Variants in FAM234A observed in about 807,000 individuals in gnomAD.
The protein encoded by FAM234A is family with sequence similarity 234 member A.
FAM234A carries 42 observed loss-of-function variants against 49.1 expected under a neutral mutation model. The observed-to-expected ratio is 0.86, with a 90% CI of 0.67 to 1.11. The LOEUF (loss-of-function observed/expected upper bound fraction) is 1.11. FAM234A is among the 50% of genes least tolerant of loss of function. FAM234A has a pLI of 0.00. For synonymous variants in FAM234A, 369 were observed against 316.2 expected (o/e 1.17, Z -1.77); for missense variants, 815 against 745.2 (o/e 1.09, Z -1.09).
At chr16:246,576 C>T (rs1467001737) in intron 1 of FAM234A, among the ~76,000 whole-genome samples, 4 of 149,514 alleles carry the variant, frequency 2.7e-5, no homozygotes, top group Admixed American at 2.0e-4. Flanking sequence ...CCCGCCACCA[C>T]ACCCGGCTAA....
downstream of FAM234A, among the ~76,000 whole-genome samples, chr16:266,662 G>A (rs955545900): frequency 4.6e-5 from 7 of 152,220 alleles, no homozygotes; most frequent in South Asian, 4.1e-4. Flanking sequence ...CTTCCAAGGC[G>A]TGGTAGGGGG....
At position 239,412 on chromosome 16, in the gene FAM234A, GTC is replaced by G. The variant is rs2050533037; in HGVS notation, c.-140+4556_-140+4557del. On this transcript the variant is annotated intron_variant, in intron 1 of 12. Transcript: ENST00000399932. ...GTGGATCACGAGGTCAGGAGATCGAGTCCATCCTGGCTAACGTGGTGAAACTC... is the reference window on the plus strand; with the variant it reads ...GTGGATCACGAGGTCAGGAGATCGAGCATCCTGGCTAACGTGGTGAAACTC... 2.0e-5 allele frequency among the ~76,000 whole-genome samples: 3 copies of G among 151,238 alleles called. No individual in the cohort carries two copies. In the South Asian group the frequency reaches 6.4e-4, roughly 32 times the overall value.
chr16:242,891 C>T (rs866017528), intron 1 of FAM234A, among the ~76,000 whole-genome samples: 10 of 152,094 alleles, frequency 6.6e-5, no homozygotes, highest in Admixed American at 2.6e-4. Context: ...GGATTACAGG[C>T]GTGAGCTACC....
intron 1 of FAM234A, among the ~76,000 whole-genome samples, chr16:235,675 T>G (rs1834078442): frequency 1.3e-5 from 2 of 152,146 alleles, no homozygotes; most frequent in Non-Finnish European, 2.9e-5. Flanking sequence ...ACTACTTCCC[T>G]TATTGCAATT....
chr16:264,553 G>C lies in FAM234A; in HGVS notation c.1345-61G>C. The C allele has an allele frequency of 3.6e-6, 4 of 1,096,564 alleles. No individual in the cohort carries two copies. In the East Asian group the frequency reaches 7.0e-5, roughly 19 times the overall value. 67.9% of individuals were successfully genotyped at this position (1,096,564 alleles called of 1,614,324 possible). A position where few individuals can be genotyped will look rare whatever the true frequency, so the allele number is the denominator to read the frequency against. The stretch of plus-strand genomic sequence containing the variant: ...AGCTCCAGGCACGGTCACTCTGACA[G>C]CAGTGTCCTGTGGGAGTGCTCAGTG... On this transcript the variant is annotated intron_variant, in intron 11 of 12. Transcript: ENST00000399932.
At chr16:237,447 T>G (rs1366843901) in intron 1 of FAM234A, among the ~76,000 whole-genome samples, 4 of 152,006 alleles carry the variant, frequency 2.6e-5, no homozygotes, top group Non-Finnish European at 4.4e-5. Context: ...TCTTTTCTGT[T>G]TTTTCTAGAG....
intron 11 of FAM234A, 56 bp downstream of exon 11, chr16:264,227 C>CTGGA: frequency 6.6e-7 from 1 of 1,515,812 alleles, no homozygotes; most frequent in Non-Finnish European, 8.8e-7. Context: ...GAGACCCAGG[C>CTGGA]TGGAGCTCCA....
Position 259,475 on chromosome 16 carries a change from T to A in FAM234A, c.269-8T>A. The A allele has an allele frequency of 6.6e-7, 1 of 1,524,472 alleles. No homozygotes were observed. The highest frequency in any genetic ancestry group is 9.1e-7 in the Non-Finnish European group (1 of 1,098,812). 94.4% of individuals were successfully genotyped at this position (1,524,472 alleles called of 1,614,324 possible). A position where few individuals can be genotyped will look rare whatever the true frequency, so the allele number is the denominator to read the frequency against. On this transcript the variant is annotated splice_region_variant and splice_polypyrimidine_tract_variant and intron_variant, in intron 3 of 12. Transcript: ENST00000399932. ...CCGCGGAGTATAGTCTGTGGTTTTC[T>A]CTTTCAGTTATCTATGACTTTCTGG... is the stretch of plus-strand genomic sequence containing the variant.
chr16:262,615 C>T, intron 8 of FAM234A, 62 bp downstream of exon 8: 2 of 1,480,302 alleles, frequency 1.4e-6, no homozygotes, highest in Non-Finnish European at 1.8e-6. Context: ...TGCTCGCCTG[C>T]CTCAGCGTTC....
rs146746669 is a variant in FAM234A at position 259,446 on chromosome 16, TG to T, written c.269-35del. The T allele has an allele frequency of 5.3e-3, 6,435 of 1,209,782 alleles. 235 individuals carry two copies. In the African/African-American group the frequency reaches 0.083, roughly 16 times the overall value. The allele number at this position is 1,209,782 out of a possible 1,614,324, so 74.9% of individuals were successfully genotyped here. On this transcript the variant is annotated intron_variant, in intron 3 of 12. Transcript: ENST00000399932. ...CCTGATCGTTCCTGGAAACCAGGCATGGCCCGCGGAGTATAGTCTGTGGTTT... is the reference window on the plus strand; with the variant it reads ...CCTGATCGTTCCTGGAAACCAGGCATGCCCGCGGAGTATAGTCTGTGGTTT...
At chr16:240,500 GTAT>G (rs1567206967) in intron 1 of FAM234A, among the ~76,000 whole-genome samples, 1 of 147,944 alleles carries the variant, frequency 6.8e-6, no homozygotes, top group Non-Finnish European at 1.5e-5. Context: ...GCATCTGGGT[GTAT>G]TTTTTTTTTT....
At chr16:269,703 A>AC (rs113321592), downstream of FAM234A, 221 of 824,890 alleles carry the variant, frequency 2.7e-4, no homozygotes, top group African/African-American at 3.2e-3. Context: ...TCTCCGGCGG[A>AC]CAGGGTGCTG....
intron 7 of FAM234A, 56 bp from the exon 8 acceptor site, chr16:262,368 G>A (rs1242312508): frequency 1.9e-6 from 3 of 1,557,728 alleles, no homozygotes; most frequent in East Asian, 4.5e-5. Context: ...GCGTGCCCCT[G>A]GTCCGGGTTC....
intron 1 of FAM234A, among the ~76,000 whole-genome samples, chr16:248,763 G>A (rs1228849279): frequency 6.6e-6 from 1 of 151,652 alleles, no homozygotes; most frequent in Non-Finnish European, 1.5e-5. Flanking sequence ...TGGGACTATA[G>A]GTGCCCACCA....
At chr16:244,030 GCC>G (rs2141199380) in intron 1 of FAM234A, among the ~76,000 whole-genome samples, 1 of 151,402 alleles carries the variant, frequency 6.6e-6, no homozygotes, top group East Asian at 2.0e-4. Context: ...GTGCAGTGGT[GCC>G]ATCTCGGCTC....
At position 264,074 on chromosome 16, in the gene FAM234A, T is replaced by C; in HGVS notation, c.1247T>C (p.Leu416Pro). 1 of 1,612,894 alleles carries C rather than the reference T, an allele frequency of 6.2e-7. No homozygotes were observed. Among genetic ancestry groups the C allele is most frequent in the African/African-American group, 1.3e-5 (1 of 75,022 alleles). Residue 416 changes from leucine (L) to proline (P), a missense_variant, in exon 11 of 13, where the codon CTC becomes CCC. Physicochemically the swap from Leu to Pro is moderately conservative, Grantham distance 98. Coordinates refer to ENST00000399932, the MANE Select transcript of FAM234A (RefSeq NM_032039.4). ...AVLCSLALPS[L>P]PGGPLSASLP... ...CTGTGTAGCCTAGCCCTCCCGAGCCTCCCTGGGGGTCCACTGTCCGCCAGC... is the reference window on the plus strand; with the variant it reads ...CTGTGTAGCCTAGCCCTCCCGAGCCCCCCTGGGGGTCCACTGTCCGCCAGC...
At chr16:261,943 A>T in intron 6 of FAM234A, 150 bp from the exon 7 acceptor site, 1 of 1,073,840 alleles carries the variant, frequency 9.3e-7, no homozygotes, top group Non-Finnish European at 1.3e-6. Flanking sequence ...CTCCCATTGT[A>T]GAGTGCCCCG....
At chr16:262,716 G>A (rs1293171966) in intron 8 of FAM234A, among the ~76,000 whole-genome samples, 163 bp downstream of exon 8, 1 of 152,164 alleles carries the variant, frequency 6.6e-6, no homozygotes, top group Non-Finnish European at 1.5e-5. Flanking sequence ...GTGAGAAATG[G>A]TCAAATAAAA....
At chr16:249,308 C>G (rs577442384) in intron 1 of FAM234A, among the ~76,000 whole-genome samples, 18 of 152,072 alleles carry the variant, frequency 1.2e-4, no homozygotes, top group Middle Eastern at 3.4e-3. Flanking sequence ...CTGTTCTTCT[C>G]TGCTTGGCTC....
Sources: gnomAD v4.1 joint callset for allele counts (sites outside exome capture counted in the v4.1 genomes callset) on GRCh38, gnomAD v4.1.1 for gene constraint, MANE v1.5 for transcripts, NCBI Gene and HGNC (gene_info 2026-07-23, HGNC 2026-07-21) for gene names.